Variants in PPARGC1B observed in about 807,000 individuals in gnomAD.
PPARGC1B encodes PPARG coactivator 1 beta.
Under a neutral mutation model 101.6 loss-of-function variants are expected in PPARGC1B, and 34 were observed. That is an observed-to-expected ratio of 0.33 (90% CI 0.25 to 0.45). The LOEUF (loss-of-function observed/expected upper bound fraction) is 0.45, where lower values mean the gene tolerates loss of function less well. PPARGC1B is among the 20% of genes least tolerant of loss of function. The pLI, the probability that PPARGC1B is intolerant of heterozygous loss-of-function variation, is 1.00. For missense variants in PPARGC1B, 1,234 were observed against 1,317.6 expected (o/e 0.94, Z 0.98); for synonymous variants, 548 against 539.3 (o/e 1.02, Z -0.22).
intron 1 of PPARGC1B, among the ~76,000 whole-genome samples, chr5:149,744,975 C>T (rs888814862): frequency 4.0e-5 from 6 of 149,600 alleles, no homozygotes; most frequent in East Asian, 2.0e-4. Context: ...CAAGGAGGCT[C>T]ACTGCAGTCT....
intron 1 of PPARGC1B, among the ~76,000 whole-genome samples, chr5:149,816,838 T>C (rs1471783363): frequency 6.6e-6 from 1 of 152,208 alleles, no homozygotes; most frequent in Non-Finnish European, 1.5e-5. Context: ...CCCTAGATGG[T>C]GTCTGAGAGG....
intron 1 of PPARGC1B, among the ~76,000 whole-genome samples, chr5:149,781,556 T>C (rs1387119458): frequency 2.0e-5 from 3 of 152,202 alleles, no homozygotes; most frequent in Non-Finnish European, 4.4e-5. Flanking sequence ...ACGCAAGGGA[T>C]GTTTCTTGTT....
chr5:149,800,633 C>G (rs973515610), intron 1 of PPARGC1B, among the ~76,000 whole-genome samples: 1 of 152,208 alleles, frequency 6.6e-6, no homozygotes, highest in Non-Finnish European at 1.5e-5. Flanking sequence ...CACAGAGGCA[C>G]CTGGTAAACA....
chr5:149,832,900 G>A lies in PPARGC1B; in HGVS notation c.827G>A (p.Gly276Asp). ...CTAGCTCTGGGCAGGGCAGACCCCG[G>A]TGCCCCGGTTTCCCAGGAAGACATG... Reference protein sequence around the residue: ...DSLALGRADPGAPVSQEDMQA... With the variant: ...DSLALGRADPDAPVSQEDMQA... Residue 276 changes from glycine to aspartate, a missense_variant, in exon 5 of 12, where the codon GGT (glycine) becomes GAT (aspartate). By Grantham distance (94) the Gly-to-Asp change is moderately conservative. Transcript: ENST00000309241. This position sits in a 1 kb window ranked among gnomAD's most constrained non-coding sequence, Gnocchi z 4.9. 1 of 1,613,090 alleles carries A rather than the reference G, an allele frequency of 6.2e-7. No homozygotes were observed. The highest frequency in any genetic ancestry group is 1.1e-5 in the South Asian group (1 of 91,056).
intron 1 of PPARGC1B, among the ~76,000 whole-genome samples, chr5:149,802,289 G>A (rs545763429): frequency 1.3e-5 from 2 of 152,298 alleles, no homozygotes; most frequent in Non-Finnish European, 2.9e-5. Flanking sequence ...GTCCCTCCTG[G>A]CTTGCTGGCT....
intron 10 of PPARGC1B, among the ~76,000 whole-genome samples, chr5:149,845,232 A>G (rs1047089049): frequency 1.1e-4 from 16 of 152,326 alleles, no homozygotes; most frequent in Admixed American, 7.8e-4. Context: ...GGGGAGGTGA[A>G]GGCCAAGATG....
chr5:149,842,268 G>A lies in PPARGC1B; in HGVS notation c.2707G>A (p.Val903Met), dbSNP rs148585590. Residue 903 changes from valine (V) to methionine (M), a missense_variant, in exon 10 of 12, where the codon GTG (valine) becomes ATG (methionine). By Grantham distance (21) the Val-to-Met change is conservative. Transcript: ENST00000309241. Reference protein sequence around the residue: ...RREKAIGEGRVVYIQNLSSDM... With the variant: ...RREKAIGEGRMVYIQNLSSDM... ...CCTTCTTGGGCAGGGGGAAGGCCGC[G>A]TGGTGTACATTCAAAATCTCTCCAG... The A allele has an allele frequency of 6.4e-5, 103 of 1,613,598 alleles. No individual in the cohort carries two copies. Among genetic ancestry groups the A allele is most frequent in the Non-Finnish European group, 8.0e-5 (94 of 1,179,982 alleles).
At chr5:149,790,319 T>C (rs1376053583) in intron 1 of PPARGC1B, among the ~76,000 whole-genome samples, 2 of 152,046 alleles carry the variant, frequency 1.3e-5, no homozygotes, top group African/African-American at 2.4e-5. Flanking sequence ...CTGAGCACAT[T>C]CTCCCCTCCT....
Position 149,748,321 on chromosome 5 carries a change from ATATC to A in PPARGC1B, c.78+17905_78+17908del, listed in dbSNP as rs890623843. Among the ~76,000 whole-genome samples the A allele has an allele frequency of 3.4e-4, 51 of 149,294 alleles. No individual in the cohort carries two copies. In the East Asian group the frequency reaches 7.0e-3, roughly 20 times the overall value. ...TATAGATATAGATATAGATATAGAT[ATATC>A]TATATATATATATCTCAGTGGGTAG... is the stretch of plus-strand genomic sequence containing the variant. On this transcript the variant is annotated intron_variant, in intron 1 of 11. Coordinates refer to ENST00000309241, the MANE Select transcript of PPARGC1B (RefSeq NM_133263.4).
At position 149,832,941 on chromosome 5, in the gene PPARGC1B, C is replaced by T; in HGVS notation, c.868C>T (p.Leu290Phe). The T allele has an allele frequency of 6.2e-7, 1 of 1,613,192 alleles. No homozygotes were observed. The highest frequency in any genetic ancestry group is 1.7e-5 in the Admixed American group (1 of 60,024). ...SQEDMQAMVQ[L>F]IRYMHTYCLP... ...GGAAGACATGCAGGCGATGGTGCAACTCATACGCTACATGCACACCTACTG... is the reference window on the plus strand; with the variant it reads ...GGAAGACATGCAGGCGATGGTGCAATTCATACGCTACATGCACACCTACTG... The change falls in exon 5 of 12, where the codon CTC becomes TTC. Residue 290 changes from leucine to phenylalanine, a missense_variant. Coordinates refer to ENST00000309241, the MANE Select transcript of PPARGC1B (RefSeq NM_133263.4). This position sits in a 1 kb window ranked among gnomAD's most constrained non-coding sequence, Gnocchi z 4.9.
At chr5:149,814,718 A>G (rs181584146) in intron 1 of PPARGC1B, among the ~76,000 whole-genome samples, 18 of 152,388 alleles carry the variant, frequency 1.2e-4, no homozygotes, top group African/African-American at 4.3e-4. Context: ...GCAGGGAATC[A>G]ATTTCCAGCA....
At chr5:149,811,134 C>G (rs1269086554) in intron 1 of PPARGC1B, among the ~76,000 whole-genome samples, 1 of 152,166 alleles carries the variant, frequency 6.6e-6, no homozygotes, top group African/African-American at 2.4e-5. Context: ...TTTTGCCAGT[C>G]TTTTGCTATA....
chr5:149,785,691 G>A (rs754411382), intron 1 of PPARGC1B, among the ~76,000 whole-genome samples: 37 of 152,140 alleles, frequency 2.4e-4, no homozygotes, highest in Non-Finnish European at 3.5e-4. Context: ...GGTTCCTGAC[G>A]GTGCCACCCA....
At chr5:149,788,778 G>T (rs991793272) in intron 1 of PPARGC1B, among the ~76,000 whole-genome samples, 1 of 152,186 alleles carries the variant, frequency 6.6e-6, no homozygotes, top group Non-Finnish European at 1.5e-5. Context: ...CCTTTGTAGG[G>T]ACATGGATGA....
intron 1 of PPARGC1B, among the ~76,000 whole-genome samples, chr5:149,782,817 C>T (rs1756641762): frequency 6.6e-6 from 1 of 152,192 alleles, no homozygotes; most frequent in Admixed American, 6.5e-5. Context: ...TAGCAGGTTC[C>T]CTATTGTGAA....
chr5:149,783,467 T>C (rs1171498430), intron 1 of PPARGC1B, among the ~76,000 whole-genome samples: 1 of 152,176 alleles, frequency 6.6e-6, no homozygotes, highest in Non-Finnish European at 1.5e-5. Flanking sequence ...CAGGGATGTT[T>C]TGAGTACCAG....
chr5:149,811,562 C>A (rs1757867844), intron 1 of PPARGC1B, among the ~76,000 whole-genome samples: 1 of 152,006 alleles, frequency 6.6e-6, no homozygotes, highest in Non-Finnish European at 1.5e-5. Flanking sequence ...GGGAGCAGAC[C>A]AGCTGAGGCT....
chr5:149,813,227 T>A (rs151331440), intron 1 of PPARGC1B, among the ~76,000 whole-genome samples: 2 of 152,328 alleles, frequency 1.3e-5, no homozygotes, highest in Non-Finnish European at 2.9e-5. Context: ...AGGTCTGCAT[T>A]CCTGACAGCA....
At chr5:149,776,249 T>TG (rs1756357474) in intron 1 of PPARGC1B, among the ~76,000 whole-genome samples, 1 of 152,234 alleles carries the variant, frequency 6.6e-6, no homozygotes, top group Non-Finnish European at 1.5e-5. Context: ...TCACTTCTGT[T>TG]GCTAGCTTGC....
Sources: gnomAD v4.1 joint callset for allele counts (sites outside exome capture counted in the v4.1 genomes callset) on GRCh38, gnomAD v4.1.1 for gene constraint, Gnocchi (gnomAD v3.1) non-coding constraint, MANE v1.5 for transcripts, NCBI Gene and HGNC (gene_info 2026-07-23, HGNC 2026-07-21) for gene names.